MOB1B: variants seen among roughly 807,000 people sequenced by gnomAD.
MOB1B encodes MOB1 Mps One Binder homolog B.
Under a neutral mutation model 24.4 loss-of-function variants are expected in MOB1B, and 19 were observed. The observed-to-expected ratio is 0.78, with a 90% CI of 0.54 to 1.14. MOB1B has a LOEUF of 1.14. Ranked by LOEUF, MOB1B falls within the 50% of genes most tolerant of loss-of-function variation. The pLI is 0.00. For synonymous variants in MOB1B, 76 were observed against 82.1 expected (o/e 0.93, Z 0.40); for missense variants, 243 against 259.6 (o/e 0.94, Z 0.44).
At chr4:70,905,363 C>G (rs1735698878) in intron 1 of MOB1B, among the ~76,000 whole-genome samples, 1 of 151,984 alleles carries the variant, frequency 6.6e-6, no homozygotes, top group African/African-American at 2.4e-5. Context: ...CTCAAACCCC[C>G]TCCCCGCTAC....
upstream of MOB1B, chr4:70,902,271 G>A: frequency 1.7e-6 from 1 of 577,244 alleles, no homozygotes; most frequent in Non-Finnish European, 3.1e-6. Flanking sequence ...GGGGAGCTGG[G>A]GAGGGGCTCG....
At chr4:70,965,037 C>T (rs550323928) in intron 2 of MOB1B, among the ~76,000 whole-genome samples, 2 of 151,584 alleles carry the variant, frequency 1.3e-5, no homozygotes, top group African/African-American at 2.4e-5. Flanking sequence ...GTAGCTCACA[C>T]CTATAATCCC....
chr4:70,908,565 G>A (rs1735847821), intron 1 of MOB1B, among the ~76,000 whole-genome samples: 1 of 151,192 alleles, frequency 6.6e-6, no homozygotes, highest in Non-Finnish European at 1.5e-5. Context: ...ACGAGGTCAG[G>A]AGTTTGAGAC....
intron 1 of MOB1B, among the ~76,000 whole-genome samples, chr4:70,905,790 C>T (rs1052214889): frequency 1.3e-5 from 2 of 152,018 alleles, no homozygotes; most frequent in African/African-American, 2.4e-5. Context: ...GTGGGCCGGG[C>T]ACAGTGGCTC....
At chr4:70,975,643 T>A (rs1028913800) in intron 4 of MOB1B, 1 of 949,352 alleles carries the variant, frequency 1.1e-6, no homozygotes, top group African/African-American at 1.8e-5. Flanking sequence ...AATGATAGCA[T>A]TTTTTAACAC....
At chr4:70,957,836 A>G (rs980972572) in intron 1 of MOB1B, among the ~76,000 whole-genome samples, 1 of 148,902 alleles carries the variant, frequency 6.7e-6, no homozygotes, top group Admixed American at 6.8e-5. Flanking sequence ...AGGTGTGATC[A>G]TAGTGCACTA....
At position 70,987,914 on chromosome 4, in the gene MOB1B, A is replaced by G. The variant is rs1409187265; in HGVS notation, c.*5857A>G. 2 of 152,650 alleles carry G rather than the reference A, an allele frequency of 1.3e-5. No individual in the cohort carries two copies. Among genetic ancestry groups the G allele is most frequent in the Non-Finnish European group, 2.9e-5 (2 of 68,020 alleles). 9.5% of individuals were successfully genotyped at this position (152,650 alleles called of 1,614,324 possible). On this transcript the variant is annotated 3_prime_UTR_variant, in exon 6 of 6. Transcript: ENST00000309395. ...AGTTATGAAATCCAACATAGGCGCT[A>G]TATTACAAACTGTGCCGGATTATGC...
chr4:70,969,355 TC>T (rs1280188518), intron 2 of MOB1B, among the ~76,000 whole-genome samples: 1 of 152,186 alleles, frequency 6.6e-6, no homozygotes, highest in Non-Finnish European at 1.5e-5. Flanking sequence ...GGTCTTGAAT[TC>T]CTGGGCTCAA....
At chr4:70,957,762 T>A (rs1360078472) in intron 1 of MOB1B, among the ~76,000 whole-genome samples, 8 of 151,258 alleles carry the variant, frequency 5.3e-5, no homozygotes, top group African/African-American at 1.9e-4. Context: ...TATTTTTTTT[T>A]TTTTTTTTTC....
chr4:70,926,828 C>T (rs1736676428), intron 1 of MOB1B, among the ~76,000 whole-genome samples: 1 of 151,650 alleles, frequency 6.6e-6, no homozygotes, highest in Non-Finnish European at 1.5e-5. Flanking sequence ...AACCCCGTCT[C>T]TACTAAAAAT....
intron 1 of MOB1B, among the ~76,000 whole-genome samples, chr4:70,940,635 T>C (rs575384368): frequency 1.3e-5 from 2 of 152,176 alleles, no homozygotes; most frequent in Non-Finnish European, 2.9e-5. Flanking sequence ...TCCTTTCGTT[T>C]TTGTTTTCAG....
intron 1 of MOB1B, among the ~76,000 whole-genome samples, chr4:70,935,411 G>A (rs1044549298): frequency 3.3e-5 from 5 of 152,110 alleles, no homozygotes; most frequent in South Asian, 2.1e-4. Flanking sequence ...ATATTTGCAC[G>A]TAGCTGATAA....
chr4:70,982,650 T>TA lies in MOB1B; in HGVS notation c.*594dup, dbSNP rs1739252514. 6.6e-6 allele frequency: 1 copy of TA among 152,572 alleles called. No homozygotes were observed. Among genetic ancestry groups the TA allele is most frequent in the Non-Finnish European group, 1.5e-5 (1 of 68,002 alleles). 9.5% of individuals were successfully genotyped at this position (152,572 alleles called of 1,614,324 possible). A position where few individuals can be genotyped will look rare whatever the true frequency, so the allele number is the denominator to read the frequency against. Reference sequence around the variant, plus strand: ...AGGTATGCATGTAGAACATAAAAAATATTTCTTAATTATTTTTTATATTGA... The same window carrying TA: ...AGGTATGCATGTAGAACATAAAAAATAATTTCTTAATTATTTTTTATATTGA... On this transcript the variant is annotated 3_prime_UTR_variant, in exon 6 of 6. Transcript: ENST00000309395.
intron 1 of MOB1B, among the ~76,000 whole-genome samples, chr4:70,922,765 A>G (rs1407655982): frequency 1.3e-5 from 2 of 152,232 alleles, no homozygotes; most frequent in Non-Finnish European, 2.9e-5. Flanking sequence ...AAAATTGCTT[A>G]GACTTAATTT....
chr4:70,977,001 C>T (rs571135444), intron 4 of MOB1B, among the ~76,000 whole-genome samples: 2 of 152,108 alleles, frequency 1.3e-5, no homozygotes, highest in South Asian at 4.1e-4. Context: ...TTCACACATA[C>T]ACATACATTC....
chr4:70,914,535 T>C (rs1365383436), intron 1 of MOB1B, among the ~76,000 whole-genome samples: 2 of 152,244 alleles, frequency 1.3e-5, no homozygotes, highest in Non-Finnish European at 2.9e-5. Flanking sequence ...ATTACAGATG[T>C]GTTGCTGCTC....
rs961868776 is a variant in MOB1B, at chr4:70,987,483, A to G, written c.*5426A>G. 2 of 152,092 alleles carry G rather than the reference A, an allele frequency of 1.3e-5. No homozygotes were observed. Among genetic ancestry groups the G allele is most frequent in the African/African-American group, 4.8e-5 (2 of 41,432 alleles). 9.4% of individuals were successfully genotyped at this position (152,092 alleles called of 1,614,324 possible). ...CTCCTTAAATTGTTCGACAGAAATG[A>G]CTTTTTAGGGAAAGTAGTTTTTTTG... On this transcript the variant is annotated 3_prime_UTR_variant, in exon 6 of 6. Coordinates refer to ENST00000309395, the MANE Select transcript of MOB1B (RefSeq NM_173468.4).
At chr4:70,938,999 A>T (rs989765137) in intron 1 of MOB1B, among the ~76,000 whole-genome samples, 1 of 152,284 alleles carries the variant, frequency 6.6e-6, no homozygotes, top group East Asian at 1.9e-4. Context: ...TGCAGTTCAA[A>T]TTTGGATTCA....
At chr4:70,937,464 G>T (rs904560229) in intron 1 of MOB1B, among the ~76,000 whole-genome samples, 2 of 151,482 alleles carry the variant, frequency 1.3e-5, no homozygotes, top group Non-Finnish European at 2.9e-5. Context: ...CTATATCTTG[G>T]ATATTAGGCT....
Sources: allele counts gnomAD v4.1 joint callset (sites outside exome capture counted in the v4.1 genomes callset), GRCh38; gene constraint gnomAD v4.1.1; transcripts MANE v1.5; gene names NCBI Gene and HGNC (gene_info 2026-07-23, HGNC 2026-07-21).